The following ZPBP variants were observed in gnomAD, a reference collection of about 807,000 sequenced individuals.
ZPBP encodes the protein zona pellucida binding protein, also known as zona pellucida-binding protein 1.
A neutral mutation model predicts 44.8 loss-of-function variants in ZPBP; 26 were observed. The ratio of observed to expected loss-of-function variants is 0.58; its 90% CI spans 0.43 to 0.81. The LOEUF (loss-of-function observed/expected upper bound fraction) is 0.81. Ranked by LOEUF, ZPBP falls within the 30% of genes least tolerant of loss-of-function variation. ZPBP has a pLI of 0.00. For synonymous variants in ZPBP, 174 were observed against 153.2 expected, an observed-to-expected ratio of 1.14 and a Z score of -1.00; for missense variants, 409 against 434.0, an observed-to-expected ratio of 0.94 and a Z score of 0.51.
intron 2 of ZPBP, among the ~76,000 whole-genome samples, chr7:49,864,734 A>G (rs1790807980): frequency 6.6e-6 from 1 of 152,200 alleles, no homozygotes; most frequent in Non-Finnish European, 1.5e-5. Context: ...ACAATAATTT[A>G]TGAATGCTGT....
chr7:49,912,281 T>C, intron 1 of ZPBP: 4 of 1,308,372 alleles, frequency 3.1e-6, no homozygotes, highest in Non-Finnish European at 4.1e-6. Flanking sequence ...AAGAAGACTT[T>C]TGATGAGGAA....
intron 1 of ZPBP, among the ~76,000 whole-genome samples, chr7:50,091,571 G>A (rs1026481547): frequency 4.6e-5 from 7 of 152,128 alleles, no homozygotes; most frequent in East Asian, 3.9e-4. Flanking sequence ...TGTAGACATC[G>A]GCTTATACTA....
intron 1 of ZPBP, among the ~76,000 whole-genome samples, chr7:49,931,727 A>C (rs1279968392): frequency 6.6e-6 from 1 of 152,238 alleles, no homozygotes; most frequent in East Asian, 1.9e-4. Context: ...GCCAAATGTT[A>C]ATCACCAAGA....
intron 7 of ZPBP, among the ~76,000 whole-genome samples, chr7:49,977,631 A>C (rs182642653): frequency 6.6e-6 from 1 of 152,338 alleles, no homozygotes; most frequent in East Asian, 1.9e-4. Context: ...CCATGTGATT[A>C]TCAAAAGGCT....
chr7:49,968,960 A>T (rs1796173929), intron 7 of ZPBP, among the ~76,000 whole-genome samples: 1 of 151,758 alleles, frequency 6.6e-6, no homozygotes, highest in Non-Finnish European at 1.5e-5. Flanking sequence ...TGACATAATA[A>T]TGTTATTCCA....
downstream of ZPBP, among the ~76,000 whole-genome samples, chr7:49,934,384 A>G (rs912848471): frequency 1.3e-5 from 2 of 151,960 alleles, no homozygotes; most frequent in Non-Finnish European, 2.9e-5. Flanking sequence ...AAGTATATTT[A>G]TTGCTTCCAA....
chr7:49,909,137 T>A (rs1239621826), intron 1 of ZPBP, among the ~76,000 whole-genome samples: 1 of 152,226 alleles, frequency 6.6e-6, no homozygotes, highest in Non-Finnish European at 1.5e-5. Context: ...CAAGATCACA[T>A]AACTATTAAG....
chr7:49,868,844 C>G (rs150521342), intron 2 of ZPBP, among the ~76,000 whole-genome samples: 6,838 of 152,262 alleles, frequency 0.045, 153 homozygotes, highest in Middle Eastern at 0.061. Flanking sequence ...GTCTTGAACT[C>G]CTAACCTCAA....
At chr7:49,868,282 G>A (rs966297630) in intron 2 of ZPBP, among the ~76,000 whole-genome samples, 5 of 152,122 alleles carry the variant, frequency 3.3e-5, no homozygotes, top group East Asian at 1.9e-4. Context: ...GGAAATATAC[G>A]CTGTTTCTTT....
intron 5 of ZPBP, among the ~76,000 whole-genome samples, chr7:50,020,574 C>T (rs1799044983): frequency 6.6e-6 from 1 of 152,112 alleles, no homozygotes; most frequent in Non-Finnish European, 1.5e-5. Flanking sequence ...GCTTCTCGCA[C>T]ATCCCCTCTT....
chr7:50,044,516 A>G (rs1393874487), intron 4 of ZPBP, among the ~76,000 whole-genome samples: 2 of 152,210 alleles, frequency 1.3e-5, no homozygotes, highest in Non-Finnish European at 2.9e-5. Flanking sequence ...AATACAAACT[A>G]CCATCAGAAA....
intron 7 of ZPBP, among the ~76,000 whole-genome samples, chr7:49,948,010 C>T (rs1795175251): frequency 6.6e-6 from 1 of 152,212 alleles, no homozygotes; most frequent in Non-Finnish European, 1.5e-5. Context: ...TGCCTGGCTA[C>T]CACCAATGTT....
chr7:50,075,141 T>C (rs1248235103), intron 3 of ZPBP, among the ~76,000 whole-genome samples: 2 of 151,810 alleles, frequency 1.3e-5, no homozygotes, highest in East Asian at 1.9e-4. Context: ...CACAAATACA[T>C]AGAAATTAAA....
chr7:49,851,467 C>T (rs1044635199), intron 2 of ZPBP, among the ~76,000 whole-genome samples: 4 of 152,140 alleles, frequency 2.6e-5, no homozygotes, highest in African/African-American at 9.7e-5. Flanking sequence ...ACTTGCTTAG[C>T]GCAATGTTAT....
At chr7:50,017,644 T>C (rs1798882015) in intron 6 of ZPBP, among the ~76,000 whole-genome samples, 1 of 152,126 alleles carries the variant, frequency 6.6e-6, no homozygotes, top group Admixed American at 6.6e-5. Flanking sequence ...TTTACAACCA[T>C]TATAATGTAA....
intron 4 of ZPBP, among the ~76,000 whole-genome samples, chr7:50,033,622 C>A (rs1799697339): frequency 6.6e-6 from 1 of 152,118 alleles, no homozygotes; most frequent in African/African-American, 2.4e-5. Context: ...TGACAAGTTC[C>A]AGCAAAGCCA....
chr7:49,843,923 A>G, the ZPBP span, among the ~76,000 whole-genome samples: 1 of 152,232 alleles, frequency 6.6e-6, no homozygotes, highest in African/African-American at 2.4e-5. Flanking sequence ...AGAGCTTTAA[A>G]AGATGAAGAA....
intron 2 of ZPBP, among the ~76,000 whole-genome samples, chr7:49,897,492 A>G (rs1000194769): frequency 7.2e-5 from 11 of 152,318 alleles, no homozygotes; most frequent in African/African-American, 2.4e-4. Context: ...TTAGTACTCA[A>G]ACACTGATCA....
At chr7:49,890,592 TA>T (rs1792085899) in intron 2 of ZPBP, among the ~76,000 whole-genome samples, 5 of 152,328 alleles carry the variant, frequency 3.3e-5, no homozygotes, top group Admixed American at 3.3e-4. Flanking sequence ...TGGGAATTGT[TA>T]GTCAAATATA....
Sources: gnomAD v4.1 joint callset for allele counts (sites outside exome capture counted in the v4.1 genomes callset) on GRCh38, gnomAD v4.1.1 for gene constraint, MANE v1.5 for transcripts, NCBI Gene and HGNC (gene_info 2026-07-23, HGNC 2026-07-21) for gene names.